The following AGMO variants were observed in gnomAD, a reference collection of about 807,000 sequenced individuals.
AGMO encodes glyceryl-ether monooxygenase.
AGMO carries 75 observed loss-of-function variants against 60.2 expected under a neutral mutation model. The observed-to-expected ratio is 1.25, with a 90% CI of 1.03 to 1.51. AGMO has a LOEUF of 1.51. Among genes scored for constraint, AGMO ranks in the 40% most tolerant of loss-of-function variants. The pLI, the probability that AGMO is intolerant of heterozygous loss-of-function variation, is 0.00. For missense variants in AGMO, 763 were observed against 525.5 expected (o/e 1.45, Z -4.42); for synonymous variants, 261 against 177.1 (o/e 1.47, Z -3.76).
intron 12 of AGMO, among the ~76,000 whole-genome samples, chr7:15,345,755 G>C (rs1295526071): frequency 6.6e-6 from 1 of 152,118 alleles, no homozygotes; most frequent in Non-Finnish European, 1.5e-5. Flanking sequence ...TCTGCAGAAA[G>C]CTTGATAACT....
chr7:15,241,493 A>G (rs954245306), intron 12 of AGMO, among the ~76,000 whole-genome samples: 4 of 144,520 alleles, frequency 2.8e-5, no homozygotes, highest in Admixed American at 7.0e-5. Context: ...AAAAAAGACT[A>G]GGGAAGACAC....
intron 12 of AGMO, among the ~76,000 whole-genome samples, chr7:15,262,060 A>C (rs1783288990): frequency 6.6e-6 from 1 of 151,956 alleles, no homozygotes; most frequent in Non-Finnish European, 1.5e-5. Context: ...GAAAAGTTGA[A>C]AGCATTCCCC....
At chr7:15,385,615 C>T (rs1783879470) in intron 9 of AGMO, 53 bp from the exon 10 acceptor site, 2 of 979,058 alleles carry the variant, frequency 2.0e-6, no homozygotes, top group African/African-American at 3.3e-5. Flanking sequence ...ATTTTTCTTA[C>T]TGAAATTCAC....
At chr7:15,331,392 T>G (rs1386579952) in intron 12 of AGMO, among the ~76,000 whole-genome samples, 2 of 152,150 alleles carry the variant, frequency 1.3e-5, no homozygotes, top group Non-Finnish European at 2.9e-5. Context: ...GTTGAAATGT[T>G]GTGAGAATAA....
intron 12 of AGMO, among the ~76,000 whole-genome samples, chr7:15,347,597 C>T (rs966629641): frequency 7.3e-5 from 10 of 136,294 alleles, no homozygotes; most frequent in African/African-American, 1.5e-4. Flanking sequence ...ATCCTCAGTC[C>T]GAACTCACTG....
the AGMO span, among the ~76,000 whole-genome samples, chr7:15,148,613 G>A: frequency 1.1e-4 from 16 of 152,094 alleles, no homozygotes; most frequent in East Asian, 1.7e-3. Context: ...TTGTTAATTT[G>A]CTTAGGATAC....
At chr7:15,123,194 C>G in the AGMO span, among the ~76,000 whole-genome samples, 1 of 152,030 alleles carries the variant, frequency 6.6e-6, no homozygotes, top group Admixed American at 6.6e-5. Context: ...CTCATCTGCT[C>G]AATGATCTCT....
chr7:15,234,178 T>C (rs1228630684), intron 12 of AGMO, among the ~76,000 whole-genome samples: 2 of 152,250 alleles, frequency 1.3e-5, no homozygotes, highest in Admixed American at 1.3e-4. Context: ...ACTTGCTTTC[T>C]GACCACAAGT....
rs532339600 is a variant in AGMO, at chr7:15,378,751, C to T, written c.1074+6695G>A. On this transcript the variant is annotated intron_variant, in intron 10 of 12. Coordinates refer to ENST00000342526, the MANE Select transcript of AGMO (RefSeq NM_001004320.2). Reference sequence around the variant, plus strand: ...TTCTGGGTGGCAAAATTCTATAGTGCCTTTCTAATCTCAGTGATGTCTAAA... The same window carrying T: ...TTCTGGGTGGCAAAATTCTATAGTGTCTTTCTAATCTCAGTGATGTCTAAA... 1.4e-4 allele frequency among the ~76,000 whole-genome samples: 21 copies of T among 151,826 alleles called. 1 individual carries two copies. The highest frequency in any genetic ancestry group is 4.8e-4 in the African/African-American group (20 of 41,388).
At chr7:15,276,312 G>GT (rs1451297441) in intron 12 of AGMO, among the ~76,000 whole-genome samples, 2 of 151,962 alleles carry the variant, frequency 1.3e-5, no homozygotes, top group African/African-American at 4.8e-5. Flanking sequence ...GGATACAAAA[G>GT]TATCGACTGG....
intron 5 of AGMO, among the ~76,000 whole-genome samples, chr7:15,412,692 A>C (rs1467514842): frequency 1.3e-5 from 2 of 150,734 alleles, no homozygotes; most frequent in African/African-American, 4.9e-5. Context: ...TTTAAAAAAA[A>C]AAAAAAAAAA....
At chr7:15,290,117 C>T (rs1336740559) in intron 12 of AGMO, among the ~76,000 whole-genome samples, 2 of 151,218 alleles carry the variant, frequency 1.3e-5, no homozygotes, top group African/African-American at 4.9e-5. Context: ...GCAACCTCTG[C>T]CTCCCTGGTT....
At chr7:15,465,354 C>T (rs1309774561) in intron 3 of AGMO, among the ~76,000 whole-genome samples, 2 of 149,890 alleles carry the variant, frequency 1.3e-5, no homozygotes, top group African/African-American at 4.9e-5. Context: ...TGTATATACA[C>T]ACGCACACAC....
chr7:15,156,136 G>C, the AGMO span, among the ~76,000 whole-genome samples: 6 of 152,210 alleles, frequency 3.9e-5, no homozygotes, highest in African/African-American at 1.4e-4. Context: ...GGGAGTCCAT[G>C]TGTGCATGCG....
At chr7:15,383,967 G>T (rs1007721336) in intron 10 of AGMO, among the ~76,000 whole-genome samples, 2 of 151,416 alleles carry the variant, frequency 1.3e-5, no homozygotes, top group Admixed American at 1.3e-4. Flanking sequence ...ACTGAGTCTC[G>T]CTCTGTCCCC....
intron 12 of AGMO, among the ~76,000 whole-genome samples, chr7:15,344,039 C>T (rs780507587): frequency 3.9e-5 from 6 of 152,224 alleles, no homozygotes; most frequent in East Asian, 3.9e-4. Flanking sequence ...TAAAAATAGA[C>T]ACTTGTCAGA....
intron 12 of AGMO, among the ~76,000 whole-genome samples, chr7:15,356,519 T>C (rs1284043285): frequency 6.6e-6 from 1 of 152,072 alleles, no homozygotes; most frequent in Admixed American, 6.5e-5. Context: ...TATTGCTTAA[T>C]GATACCTTGA....
At chr7:15,329,753 G>A (rs192896434) in intron 12 of AGMO, among the ~76,000 whole-genome samples, 23 of 152,310 alleles carry the variant, frequency 1.5e-4, no homozygotes, top group South Asian at 2.1e-4. Context: ...TTAGTCAAGA[G>A]TATGGGCTAG....
At chr7:15,146,895 AAC>A in the AGMO span, among the ~76,000 whole-genome samples, 3 of 152,230 alleles carry the variant, frequency 2.0e-5, no homozygotes, top group Non-Finnish European at 2.9e-5. Context: ...TAAAGATTTA[AAC>A]AGTGTTTACA....
Sources: gnomAD v4.1 joint callset for allele counts (sites outside exome capture counted in the v4.1 genomes callset) on GRCh38, gnomAD v4.1.1 for gene constraint, MANE v1.5 for transcripts, NCBI Gene and HGNC (gene_info 2026-07-23, HGNC 2026-07-21) for gene names.